Variants in ACER3 observed in about 807,000 individuals in gnomAD.
ACER3 encodes the protein alkCDase 3.
A neutral mutation model predicts 48.9 loss-of-function variants in ACER3; 16 were observed. The ratio of observed to expected loss-of-function variants is 0.33; its 90% CI spans 0.22 to 0.50. ACER3 has a LOEUF of 0.50. ACER3 is among the 20% of genes least tolerant of loss of function. ACER3 has a pLI of 0.98. For missense variants in ACER3, 227 were observed against 326.0 expected (o/e 0.70, Z 2.34); for synonymous variants, 109 against 107.8 (o/e 1.01, Z -0.07).
At chr11:76,889,874 TGTTATTTTTTCTTTCTTG>T (rs1945763816) in intron 1 of ACER3, among the ~76,000 whole-genome samples, 1 of 152,138 alleles carries the variant, frequency 6.6e-6, no homozygotes, top group Non-Finnish European at 1.5e-5. Context: ...TGGCCATTTT[TGTTATTTTTTCTTTCTTG>T]GTTATTTTTT....
chr11:76,963,546 G>A (rs944320346), intron 3 of ACER3, among the ~76,000 whole-genome samples: 1 of 151,216 alleles, frequency 6.6e-6, no homozygotes, highest in African/African-American at 2.5e-5. Flanking sequence ...ATGTTAATGA[G>A]CATATAATGA....
At chr11:76,938,470 C>G (rs1413497797) in intron 2 of ACER3, among the ~76,000 whole-genome samples, 1 of 151,836 alleles carries the variant, frequency 6.6e-6, no homozygotes, top group Non-Finnish European at 1.5e-5. Flanking sequence ...AGGTGCGCAC[C>G]ACTACACCCG....
chr11:76,933,366 G>A (rs1947071575), intron 2 of ACER3, among the ~76,000 whole-genome samples: 1 of 145,502 alleles, frequency 6.9e-6, no homozygotes, highest in Admixed American at 6.9e-5. Context: ...AATAGTGGAG[G>A]GAAGGTCAGC....
chr11:76,941,161 A>G (rs1378087165), intron 2 of ACER3, among the ~76,000 whole-genome samples: 2 of 152,090 alleles, frequency 1.3e-5, no homozygotes, highest in Non-Finnish European at 2.9e-5. Context: ...CCGTAACAAG[A>G]TTTTCAGTTT....
At chr11:76,906,059 G>C (rs1220455891) in intron 1 of ACER3, among the ~76,000 whole-genome samples, 2 of 152,210 alleles carry the variant, frequency 1.3e-5, no homozygotes, top group East Asian at 1.9e-4. Flanking sequence ...AGCCTCACAG[G>C]CTGGCTGCCT....
chr11:76,914,587 C>T (rs1590924692), intron 1 of ACER3, among the ~76,000 whole-genome samples: 1 of 152,156 alleles, frequency 6.6e-6, no homozygotes, highest in African/African-American at 2.4e-5. Flanking sequence ...ACACTTTTTA[C>T]ACTATTGGTG....
chr11:76,903,782 G>A (rs1946145247), intron 1 of ACER3, among the ~76,000 whole-genome samples: 1 of 152,048 alleles, frequency 6.6e-6, no homozygotes, highest in African/African-American at 2.4e-5. Context: ...AAATGGCCCT[G>A]CAAAGCCACC....
At chr11:76,978,371 C>T (rs1485916649) in intron 4 of ACER3, 1 of 152,318 alleles carries the variant, frequency 6.6e-6, no homozygotes, top group Non-Finnish European at 1.5e-5. Flanking sequence ...CAGACCCAGC[C>T]AGACTCACAC....
chr11:76,880,398 C>T (rs1945492796), intron 1 of ACER3, among the ~76,000 whole-genome samples: 1 of 152,200 alleles, frequency 6.6e-6, no homozygotes, highest in Admixed American at 6.5e-5. Flanking sequence ...AACAGACAAG[C>T]AATCAGTTTT....
chr11:76,925,493 T>G (rs1278348665), intron 1 of ACER3, among the ~76,000 whole-genome samples: 1 of 152,230 alleles, frequency 6.6e-6, no homozygotes, highest in Non-Finnish European at 1.5e-5. Flanking sequence ...ATTTTTTAAT[T>G]TATCAAATTA....
Position 77,021,521 on chromosome 11 carries a change from G to T in ACER3, c.*1194G>T, listed in dbSNP as rs954720720. The T allele has an allele frequency of 1.1e-4, 17 of 152,160 alleles. No homozygotes were observed. The highest frequency in any genetic ancestry group is 2.4e-4 in the Non-Finnish European group (16 of 68,022). 9.4% of individuals were successfully genotyped at this position (152,160 alleles called of 1,614,324 possible). A position where few individuals can be genotyped will look rare whatever the true frequency, so the allele number is the denominator to read the frequency against. ...TTCACAAACTTAACACCTGCCTGGAGTAAAAATCTGATTTGACCCCTCTGC... is the reference window on the plus strand; with the variant it reads ...TTCACAAACTTAACACCTGCCTGGATTAAAAATCTGATTTGACCCCTCTGC... On this transcript the variant is annotated 3_prime_UTR_variant, in exon 11 of 11. Transcript: ENST00000532485.
intron 1 of ACER3, among the ~76,000 whole-genome samples, chr11:76,906,590 G>A (rs1157561534): frequency 2.0e-5 from 3 of 152,166 alleles, no homozygotes; most frequent in Non-Finnish European, 2.9e-5. Context: ...TGTCTTCCGT[G>A]TGGCCAGCCT....
chr11:77,026,011 T>A lies in ACER3; in HGVS notation c.*5684T>A, dbSNP rs1949545737. The A allele has an allele frequency of 6.6e-6, 1 of 152,202 alleles. No individual in the cohort carries two copies. Among genetic ancestry groups the A allele is most frequent in the Non-Finnish European group, 1.5e-5 (1 of 68,036 alleles). The allele number at this position is 152,202 out of a possible 1,614,324, so 9.4% of individuals were successfully genotyped here. A position where few individuals can be genotyped will look rare whatever the true frequency, so the allele number is the denominator to read the frequency against. ...GACCTAATTATTTTTTCACGTCAGT[T>A]TTTCTAGATTGGCAATAGCCTGTTG... On this transcript the variant is annotated 3_prime_UTR_variant, in exon 11 of 11. Transcript: ENST00000532485.
chr11:76,955,763 A>G (rs372419344), intron 2 of ACER3, among the ~76,000 whole-genome samples: 8 of 152,324 alleles, frequency 5.3e-5, no homozygotes, highest in African/African-American at 1.7e-4. Flanking sequence ...GGAGTTGGGG[A>G]GGCAGGCATA....
At chr11:76,961,459 A>G (rs1947992029) in intron 3 of ACER3, among the ~76,000 whole-genome samples, 1 of 152,054 alleles carries the variant, frequency 6.6e-6, no homozygotes, top group South Asian at 2.1e-4. Context: ...GGGGAACTTC[A>G]AAGCCAAAGA....
chr11:76,861,613 G>C (rs1944941952), intron 1 of ACER3, among the ~76,000 whole-genome samples: 2 of 152,140 alleles, frequency 1.3e-5, no homozygotes, highest in African/African-American at 4.8e-5. Context: ...AGTTTCACTA[G>C]TCTGAGATCT....
At chr11:76,864,518 G>A (rs1280295363) in intron 1 of ACER3, among the ~76,000 whole-genome samples, 1 of 145,054 alleles carries the variant, frequency 6.9e-6, no homozygotes, top group Non-Finnish European at 1.5e-5. Context: ...AAACTATTTT[G>A]TTTATAAAAA....
intron 6 of ACER3, among the ~76,000 whole-genome samples, chr11:76,997,669 A>G (rs530978966): frequency 5.4e-5 from 5 of 92,724 alleles, no homozygotes; most frequent in African/African-American, 1.5e-4. Context: ...GACCTTGTCT[A>G]TACTAAAAAG....
At chr11:77,012,918 G>A (rs1191212134) in intron 7 of ACER3, among the ~76,000 whole-genome samples, 1 of 152,132 alleles carries the variant, frequency 6.6e-6, no homozygotes, top group Non-Finnish European at 1.5e-5. Context: ...TGTATTGGTG[G>A]TAATAATGAA....
Sources: gnomAD v4.1 joint callset for allele counts (sites outside exome capture counted in the v4.1 genomes callset) on GRCh38, gnomAD v4.1.1 for gene constraint, MANE v1.5 for transcripts, NCBI Gene and HGNC (gene_info 2026-07-23, HGNC 2026-07-21) for gene names.